The following GPHN variants were observed in gnomAD, a reference collection of about 807,000 sequenced individuals.
GPHN encodes the protein gephyrin.
A neutral mutation model predicts 95.5 loss-of-function variants in GPHN; 17 were observed. The observed-to-expected ratio is 0.18, with a 90% CI of 0.12 to 0.27. The LOEUF is 0.27. Among genes scored for constraint, GPHN ranks in the 10% least tolerant of loss-of-function variants. The pLI is 1.00. For missense variants in GPHN, 660 were observed against 978.1 expected (o/e 0.67, Z 4.34); for synonymous variants, 320 against 322.5 (o/e 0.99, Z 0.08).
chr14:66,546,590 C>T (rs1440840788), intron 1 of GPHN, among the ~76,000 whole-genome samples: 2 of 152,132 alleles, frequency 1.3e-5, no homozygotes, highest in South Asian at 2.1e-4. Flanking sequence ...TCCAACACAG[C>T]GAAACCCCGT....
intron 20 of GPHN, among the ~76,000 whole-genome samples, chr14:67,165,594 A>G (rs2082230137): frequency 1.3e-5 from 2 of 152,150 alleles, no homozygotes. Flanking sequence ...ACCTCTCATA[A>G]CCAGAAGTAT....
chr14:67,431,328 G>A, the GPHN span, among the ~76,000 whole-genome samples: 1 of 146,482 alleles, frequency 6.8e-6, no homozygotes, highest in Non-Finnish European at 1.5e-5. Flanking sequence ...GGAGGCGGAG[G>A]TTGCAGTGAG....
intron 9 of GPHN, among the ~76,000 whole-genome samples, chr14:66,973,699 C>A (rs1043533136): frequency 2.6e-5 from 4 of 152,114 alleles, no homozygotes; most frequent in Non-Finnish European, 4.4e-5. Flanking sequence ...GCGGAGGTTG[C>A]AGTGAGCTGA....
At chr14:67,014,873 C>CTCCT (rs1468066776) in intron 9 of GPHN, among the ~76,000 whole-genome samples, 1 of 152,104 alleles carries the variant, frequency 6.6e-6, no homozygotes, top group Non-Finnish European at 1.5e-5. Context: ...AAGCACCAAA[C>CTCCT]CAAAACGATT....
chr14:67,265,554 C>T, the GPHN span, among the ~76,000 whole-genome samples: 6 of 151,976 alleles, frequency 3.9e-5, no homozygotes, highest in East Asian at 1.2e-3. Context: ...GACCCTATCT[C>T]TATTTAAAAG....
intron 11 of GPHN, among the ~76,000 whole-genome samples, chr14:67,070,146 C>T (rs2153656280): frequency 6.6e-6 from 1 of 152,092 alleles, no homozygotes; most frequent in African/African-American, 2.4e-5. Context: ...AACTTCATTA[C>T]ACTGCTAAAA....
intron 11 of GPHN, among the ~76,000 whole-genome samples, chr14:67,069,495 C>T (rs759170006): frequency 3.3e-5 from 5 of 152,140 alleles, no homozygotes; most frequent in East Asian, 1.9e-4. Context: ...GCCTATGTGC[C>T]GTGGTCAGTA....
At chr14:66,888,353 A>T (rs907641199) in intron 5 of GPHN, among the ~76,000 whole-genome samples, 3 of 152,200 alleles carry the variant, frequency 2.0e-5, no homozygotes, top group African/African-American at 7.2e-5. Context: ...GAAAGATAAG[A>T]ATTACATTTA....
intron 1 of GPHN, among the ~76,000 whole-genome samples, chr14:66,607,837 G>T (rs2062610574): frequency 6.6e-6 from 1 of 151,912 alleles, no homozygotes; most frequent in African/African-American, 2.4e-5. Flanking sequence ...GGGATCAGTT[G>T]TAATGTCATC....
chr14:67,552,951 C>T, the GPHN span, among the ~76,000 whole-genome samples: 3 of 152,052 alleles, frequency 2.0e-5, no homozygotes, highest in Non-Finnish European at 4.4e-5. Flanking sequence ...TAATAAAATC[C>T]GGAGGGGAAA....
intron 9 of GPHN, among the ~76,000 whole-genome samples, chr14:66,974,380 A>G (rs2070058981): frequency 6.6e-6 from 1 of 151,928 alleles, no homozygotes; most frequent in South Asian, 2.1e-4. Context: ...GTTTTTCATT[A>G]TAATTATCAT....
intron 1 of GPHN, among the ~76,000 whole-genome samples, chr14:66,571,627 A>G (rs2060693169): frequency 6.6e-6 from 1 of 152,226 alleles, no homozygotes; most frequent in African/African-American, 2.4e-5. Flanking sequence ...CCTGGCCAAC[A>G]TGGTGAAACC....
chr14:67,722,774 A>C, the GPHN span: 3 of 1,323,306 alleles, frequency 2.3e-6, no homozygotes, highest in African/African-American at 1.4e-5. Context: ...GCCGGTTCTC[A>C]GCTGCTGAAA....
At chr14:67,559,722 C>T in the GPHN span, 5 of 1,471,450 alleles carry the variant, frequency 3.4e-6, 1 homozygote, top group South Asian at 4.8e-5. Flanking sequence ...GGAGGCCTGC[C>T]AGAGGCATGG....
chr14:67,590,038 A>G, the GPHN span: 4 of 1,535,770 alleles, frequency 2.6e-6, no homozygotes, highest in South Asian at 2.4e-5. Context: ...CTTAAGAGTC[A>G]TCTCCCATGG....
chr14:67,267,454 T>C, the GPHN span, among the ~76,000 whole-genome samples: 1 of 152,026 alleles, frequency 6.6e-6, no homozygotes, highest in Non-Finnish European at 1.5e-5. Flanking sequence ...GTTCATCATG[T>C]TGGCCAGGCT....
At chr14:66,983,269 A>C (rs1045250125) in intron 9 of GPHN, among the ~76,000 whole-genome samples, 2 of 152,146 alleles carry the variant, frequency 1.3e-5, no homozygotes, top group South Asian at 2.1e-4. Flanking sequence ...TAATAATAAT[A>C]ATCAAGCATT....
the GPHN span, chr14:67,353,071 T>C: frequency 1.4e-5 from 21 of 1,529,132 alleles, no homozygotes; most frequent in East Asian, 2.3e-5. Context: ...TTAAGACATC[T>C]ATTCTCATTG....
At chr14:67,395,413 G>A in the GPHN span, 1 of 1,613,874 alleles carries the variant, frequency 6.2e-7, no homozygotes, top group Non-Finnish European at 8.5e-7. Flanking sequence ...GCAGGCTGAT[G>A]TGCGGGGGCA....
Sources: allele counts gnomAD v4.1 joint callset (sites outside exome capture counted in the v4.1 genomes callset), GRCh38; gene constraint gnomAD v4.1.1; transcripts MANE v1.5; gene names NCBI Gene and HGNC (gene_info 2026-07-23, HGNC 2026-07-21).